Variants in MTMR14 observed in about 807,000 individuals in gnomAD.
MTMR14 encodes myotubularin related protein 14.
In MTMR14, 48 loss-of-function variants were observed where a neutral mutation model predicts 86.3. The observed-to-expected ratio is 0.56, with a 90% CI of 0.44 to 0.71. The LOEUF (loss-of-function observed/expected upper bound fraction) is 0.71. MTMR14 is among the 30% of genes least tolerant of loss of function. The probability of loss-of-function intolerance (pLI) is 0.00; values close to 1 mark genes in which losing one functional copy is unlikely to be tolerated. For synonymous variants in MTMR14, 366 were observed against 326.1 expected, an observed-to-expected ratio of 1.12 and a Z score of -1.32; for missense variants, 780 against 834.6, an observed-to-expected ratio of 0.93 and a Z score of 0.81.
At position 9,688,386 on chromosome 3, in the gene MTMR14, C is replaced by G. The variant is rs537830654; in HGVS notation, c.1236-310C>G. On this transcript the variant is annotated intron_variant, in intron 14 of 18. Coordinates refer to ENST00000296003, the MANE Select transcript of MTMR14 (RefSeq NM_001077525.3). ...ACCCCTGTAAGAGTTGGGGTCTTGC[C>G]TGAGTTGGTTTGCCTTCCTAATCCG... Among the ~76,000 whole-genome samples, 25 of 152,324 alleles carry G rather than the reference C, an allele frequency of 1.6e-4. No individual in the cohort carries two copies. In the East Asian group the frequency reaches 4.4e-3, roughly 27 times the overall value.
intron 10 of MTMR14, 140 bp downstream of exon 10, chr3:9,683,384 T>C: frequency 1.3e-6 from 1 of 777,554 alleles, no homozygotes; most frequent in African/African-American, 1.7e-5. Flanking sequence ...GTTCCTAGAA[T>C]CCCAGAGGCT....
chr3:9,689,492 T>C (rs1265228954), intron 16 of MTMR14, among the ~76,000 whole-genome samples: 2 of 152,136 alleles, frequency 1.3e-5, no homozygotes, highest in Non-Finnish European at 2.9e-5. Context: ...TCTCATGAAA[T>C]TGAGACCCTG....
intron 6 of MTMR14, among the ~76,000 whole-genome samples, chr3:9,672,315 T>A (rs1383053389): frequency 6.6e-6 from 1 of 152,184 alleles, no homozygotes; most frequent in East Asian, 1.9e-4. Context: ...CTTGGCTCAC[T>A]GCAACCATCT....
intron 2 of MTMR14, among the ~76,000 whole-genome samples, chr3:9,656,115 A>G (rs1388659530): frequency 1.3e-5 from 2 of 152,016 alleles, no homozygotes; most frequent in African/African-American, 4.8e-5. Context: ...GAATCACTTG[A>G]ACCCAGGAGG....
intron 1 of MTMR14, among the ~76,000 whole-genome samples, chr3:9,653,009 G>C (rs1172118195): frequency 6.6e-6 from 1 of 152,220 alleles, no homozygotes; most frequent in Non-Finnish European, 1.5e-5. Flanking sequence ...GGCCGAGGTG[G>C]GCGGGTCACC....
chr3:9,702,045 G>T lies in MTMR14; in HGVS notation c.*72G>T. The T allele has an allele frequency of 1.3e-6, 2 of 1,587,550 alleles. No individual in the cohort carries two copies. Among genetic ancestry groups the T allele is most frequent in the Non-Finnish European group, 1.7e-6 (2 of 1,159,180 alleles). On this transcript the variant is annotated 3_prime_UTR_variant, in exon 19 of 19. Coordinates refer to ENST00000296003, the MANE Select transcript of MTMR14 (RefSeq NM_001077525.3). ...TTAGCAGAGAATCAAAGCCATGCCT[G>T]GCCGAAGGGGTACTTCCAGGTCAGG...
intron 6 of MTMR14, 141 bp downstream of exon 6, chr3:9,671,311 G>GC (rs1375759854): frequency 1.7e-6 from 2 of 1,197,170 alleles, no homozygotes; most frequent in East Asian, 5.1e-5. Flanking sequence ...TCTTCAGACA[G>GC]CCCTGCAAAA....
chr3:9,661,796 T>C (rs2047948525), intron 2 of MTMR14, among the ~76,000 whole-genome samples: 2 of 152,164 alleles, frequency 1.3e-5, no homozygotes, highest in South Asian at 4.1e-4. Flanking sequence ...GCACTTTTTT[T>C]TTTTCCTGAA....
At chr3:9,650,397 A>C (rs1218342271) in intron 1 of MTMR14, 4 of 456,346 alleles carry the variant, frequency 8.8e-6, no homozygotes, top group South Asian at 6.2e-5. Context: ...ACTGGCTGGC[A>C]GTGCGGTGGG....
rs1432784235 is a variant in MTMR14, at chr3:9,649,610, C to T, written c.27C>T (p.Ala9=). 2.6e-6 allele frequency: 4 copies of T among 1,549,068 alleles called. No homozygotes were observed. Among genetic ancestry groups the T allele is most frequent in the East Asian group, 2.4e-5 (1 of 40,980 alleles). ...TGGCCGGCGCTCGGGCCGCCGCCGC[C>T]GCTGCCTCGGCGGGGTCCTCGGCCT... The part of the protein sequence containing the change: MAGARAAA[A]AASAGSSASS... Residue 9 remains alanine (A), a synonymous_variant, in exon 1 of 19, where the codon GCC becomes GCT. Transcript: ENST00000296003.
intron 14 of MTMR14, 24 bp downstream of exon 14, chr3:9,687,915 A>G (rs2076014108): frequency 1.9e-6 from 3 of 1,572,044 alleles, no homozygotes; most frequent in Non-Finnish European, 8.7e-7. Flanking sequence ...TGCACGTGTC[A>G]TGCTGGGCCA....
intron 10 of MTMR14, 48 bp from the exon 11 acceptor site, chr3:9,684,537 C>G (rs766912988): frequency 3.2e-6 from 5 of 1,586,110 alleles, no homozygotes; most frequent in Admixed American, 1.7e-5. Context: ...GCTCATCGGC[C>G]CATGTCTGGT....
At chr3:9,679,064 C>T (rs1013476601) in intron 9 of MTMR14, among the ~76,000 whole-genome samples, 1 of 152,204 alleles carries the variant, frequency 6.6e-6, no homozygotes, top group African/African-American at 2.4e-5. Flanking sequence ...ACTGGGTGCT[C>T]CTAGATCACC....
At chr3:9,666,017 G>A (rs981646502) in intron 3 of MTMR14, among the ~76,000 whole-genome samples, 6 of 149,666 alleles carry the variant, frequency 4.0e-5, no homozygotes, top group African/African-American at 1.5e-4. Flanking sequence ...GTGACCCACC[G>A]TGCCCGGCCC....
intron 16 of MTMR14, among the ~76,000 whole-genome samples, chr3:9,689,626 T>G (rs867884384): frequency 1.3e-5 from 2 of 152,204 alleles, no homozygotes; most frequent in Middle Eastern, 3.4e-3. Context: ...CCCAGGAGTT[T>G]GAGATCAGTC....
At chr3:9,685,564 C>T (rs2075915326) in intron 13 of MTMR14, among the ~76,000 whole-genome samples, 1 of 152,174 alleles carries the variant, frequency 6.6e-6, no homozygotes, top group African/African-American at 2.4e-5. Flanking sequence ...TCTGGAACCC[C>T]ATCCTCTAAG....
At chr3:9,655,266 CTG>C (rs1574926539) in intron 2 of MTMR14, among the ~76,000 whole-genome samples, 2 of 151,184 alleles carry the variant, frequency 1.3e-5, no homozygotes, top group East Asian at 4.0e-4. Context: ...ACTCGGGTGG[CTG>C]AGGCAGGAGA....
chr3:9,692,009 T>C (rs1438973884), intron 17 of MTMR14, among the ~76,000 whole-genome samples: 1 of 152,190 alleles, frequency 6.6e-6, no homozygotes, highest in Non-Finnish European at 1.5e-5. Context: ...ATTACTCAGA[T>C]TTGGAGCATT....
chr3:9,691,708 T>G (rs1161806392), intron 17 of MTMR14, among the ~76,000 whole-genome samples: 1 of 152,180 alleles, frequency 6.6e-6, no homozygotes, highest in Non-Finnish European at 1.5e-5. Flanking sequence ...GGTGACTTTC[T>G]GCTTGCAGGG....
Sources: allele counts gnomAD v4.1 joint callset (sites outside exome capture counted in the v4.1 genomes callset), GRCh38; gene constraint gnomAD v4.1.1; transcripts MANE v1.5; gene names NCBI Gene and HGNC (gene_info 2026-07-23, HGNC 2026-07-21).